MCF2L2: variants seen among roughly 807,000 people sequenced by gnomAD.
MCF2L2 encodes the protein probable guanine nucleotide exchange factor MCF2L2.
A neutral mutation model predicts 150.2 loss-of-function variants in MCF2L2; 102 were observed. That is an observed-to-expected ratio of 0.68 (90% confidence interval 0.58 to 0.80). The LOEUF is 0.80. Among genes scored for constraint, MCF2L2 ranks in the 30% least tolerant of loss-of-function variants. MCF2L2 has a pLI of 0.00. For synonymous variants in MCF2L2, 465 were observed against 491.3 expected (o/e 0.95, Z 0.71); for missense variants, 1,256 against 1,372.8 (o/e 0.91, Z 1.34).
chr3:183,346,295 A>G (rs956795837), intron 3 of MCF2L2, among the ~76,000 whole-genome samples: 5 of 152,250 alleles, frequency 3.3e-5, no homozygotes, highest in Non-Finnish European at 5.9e-5. Flanking sequence ...TCACATAAAC[A>G]GAACCAAAGA....
At chr3:183,330,450 CAAAACTA>C (rs955628420) in intron 5 of MCF2L2, among the ~76,000 whole-genome samples, 1 of 151,840 alleles carries the variant, frequency 6.6e-6, no homozygotes, top group African/African-American at 2.4e-5. Flanking sequence ...TGCAAAAAGG[CAAAACTA>C]TAAGGATGGA....
intron 1 of MCF2L2, among the ~76,000 whole-genome samples, chr3:183,422,589 A>G (rs1443061978): frequency 6.6e-6 from 1 of 152,188 alleles, no homozygotes; most frequent in African/African-American, 2.4e-5. Context: ...ACTTGGCCTC[A>G]GCAACTTGGA....
intron 15 of MCF2L2, among the ~76,000 whole-genome samples, chr3:183,262,339 T>G (rs1024943206): frequency 3.3e-5 from 5 of 152,020 alleles, no homozygotes; most frequent in Non-Finnish European, 5.9e-5. Context: ...CAGGCCCCAG[T>G]CAGCAGGACA....
intron 22 of MCF2L2, among the ~76,000 whole-genome samples, chr3:183,211,298 G>A (rs919632098): frequency 1.3e-5 from 2 of 152,078 alleles, no homozygotes; most frequent in African/African-American, 2.4e-5. Flanking sequence ...CTTTGCCATC[G>A]TGACTTCTTG....
intron 5 of MCF2L2, among the ~76,000 whole-genome samples, chr3:183,332,177 G>C (rs1730298682): frequency 6.6e-6 from 1 of 152,180 alleles, no homozygotes; most frequent in Non-Finnish European, 1.5e-5. Context: ...AACACGTATT[G>C]AGAAGTTAGA....
chr3:183,326,526 A>AC (rs1021444544), intron 5 of MCF2L2, among the ~76,000 whole-genome samples: 2 of 150,498 alleles, frequency 1.3e-5, no homozygotes, highest in South Asian at 2.1e-4. Context: ...ACAAAAAAAA[A>AC]CCCACAAACC....
At chr3:183,419,765 C>A (rs905467641) in intron 1 of MCF2L2, among the ~76,000 whole-genome samples, 1 of 152,080 alleles carries the variant, frequency 6.6e-6, no homozygotes, top group African/African-American at 2.4e-5. Flanking sequence ...CCCAGCTACT[C>A]GGGAGGCTGA....
rs971411294 is a variant in MCF2L2 at position 183,305,844 on chromosome 3, C to T, written c.1113+3872G>A. On this transcript the variant is annotated intron_variant, in intron 10 of 29. Coordinates refer to ENST00000328913, the MANE Select transcript of MCF2L2 (RefSeq NM_015078.4). This position sits in a 1 kb window ranked among gnomAD's most constrained non-coding sequence, Gnocchi z 4.1. ...AGCCTGGGCGGCAAGAGTGAAACTC[C>T]GTCTCAAAAAAAAGGGCAACTAAGG... is the stretch of plus-strand genomic sequence containing the variant. Among the ~76,000 whole-genome samples the T allele has an allele frequency of 1.3e-5, 2 of 151,840 alleles. No homozygotes were observed. The highest frequency in any genetic ancestry group is 2.9e-5 in the Non-Finnish European group (2 of 67,964).
intron 3 of MCF2L2, among the ~76,000 whole-genome samples, chr3:183,356,153 A>G (rs1711763344): frequency 6.9e-6 from 1 of 145,304 alleles, no homozygotes. Context: ...AGGTCTTTCT[A>G]GAAATAAAAT....
chr3:183,405,252 T>A (rs796384789), intron 1 of MCF2L2, among the ~76,000 whole-genome samples: 21 of 152,336 alleles, frequency 1.4e-4, no homozygotes, highest in African/African-American at 5.0e-4. Flanking sequence ...TTATAGACTT[T>A]CTTTCTTGTA....
At chr3:183,184,596 G>T (rs1038263667) in intron 27 of MCF2L2, among the ~76,000 whole-genome samples, 1 of 152,222 alleles carries the variant, frequency 6.6e-6, no homozygotes, top group Admixed American at 6.5e-5. Context: ...AAGCTGAATG[G>T]TTTAGGAAAT....
rs1271832217 is a variant in MCF2L2, at chr3:183,416,063, T to C, written c.76+11839A>G. On this transcript the variant is annotated intron_variant, in intron 1 of 29. Transcript: ENST00000328913. Reference sequence around the variant, plus strand: ...TTAGTGGTTATTCTATAGTTTTTCATATACATCTTATCAAAATCTACTTCA... The same window carrying C: ...TTAGTGGTTATTCTATAGTTTTTCACATACATCTTATCAAAATCTACTTCA... Among the ~76,000 whole-genome samples the C allele has an allele frequency of 2.0e-5, 3 of 152,158 alleles. No homozygotes were observed. The East Asian group carries it at 5.8e-4, about 29-fold the overall frequency.
intron 3 of MCF2L2, among the ~76,000 whole-genome samples, chr3:183,347,177 A>G (rs563521348): frequency 1.3e-5 from 2 of 152,318 alleles, no homozygotes; most frequent in South Asian, 2.1e-4. Context: ...ACAGTAACCA[A>G]AACAGCATGG....
chr3:183,294,476 T>C (rs1047653883), intron 13 of MCF2L2, among the ~76,000 whole-genome samples: 11 of 145,830 alleles, frequency 7.5e-5, no homozygotes, highest in South Asian at 2.2e-4. Context: ...CTCAGCCTCC[T>C]GAGTAGCTGG....
intron 2 of MCF2L2, among the ~76,000 whole-genome samples, chr3:183,380,125 A>G (rs1713431547): frequency 6.6e-6 from 1 of 152,166 alleles, no homozygotes; most frequent in African/African-American, 2.4e-5. Flanking sequence ...TATCCCTGTG[A>G]AAGTAAAAAT....
Position 183,184,285 on chromosome 3 carries a change from G to A in MCF2L2, c.3017-4126C>T, listed in dbSNP as rs1381517199. On this transcript the variant is annotated intron_variant, in intron 27 of 29. Transcript: ENST00000328913. ...CACCTGCCTTGGCCTCCCAAAGTGTGAGATTACAGGCGTGAGCCACCATGC... is the reference window on the plus strand; with the variant it reads ...CACCTGCCTTGGCCTCCCAAAGTGTAAGATTACAGGCGTGAGCCACCATGC... Among the ~76,000 whole-genome samples, 29 of 152,220 alleles carry A rather than the reference G, an allele frequency of 1.9e-4. 1 individual carries two copies. The highest frequency in any genetic ancestry group is 1.9e-3 in the Admixed American group (29 of 15,280).
At chr3:183,307,865 C>G (rs1190467070) in intron 10 of MCF2L2, among the ~76,000 whole-genome samples, 1 of 152,264 alleles carries the variant, frequency 6.6e-6, no homozygotes, top group Non-Finnish European at 1.5e-5. Context: ...GGCCCACCTG[C>G]TCTAGCAATG....
At chr3:183,300,821 C>A (rs1035219918) in intron 10 of MCF2L2, among the ~76,000 whole-genome samples, 3 of 151,574 alleles carry the variant, frequency 2.0e-5, no homozygotes, top group African/African-American at 7.3e-5. Flanking sequence ...GTTCAAGACG[C>A]GCCTGACCAA....
At chr3:183,404,585 G>A (rs1214541804) in intron 1 of MCF2L2, among the ~76,000 whole-genome samples, 7 of 152,166 alleles carry the variant, frequency 4.6e-5, no homozygotes, top group African/African-American at 9.7e-5. Flanking sequence ...AATATGGGCT[G>A]GGCGTGGTGG....
Sources: allele counts gnomAD v4.1 joint callset (sites outside exome capture counted in the v4.1 genomes callset), GRCh38; gene constraint gnomAD v4.1.1; non-coding constraint Gnocchi (gnomAD v3.1); transcripts MANE v1.5; gene names NCBI Gene and HGNC (gene_info 2026-07-23, HGNC 2026-07-21).